The following ABL1 variants were observed in gnomAD, a reference collection of about 807,000 sequenced individuals.
ABL1 encodes ABL proto-oncogene 1, non-receptor tyrosine kinase, also known as tyrosine-protein kinase ABL1.
ABL1 carries 11 observed loss-of-function variants against 94.7 expected under a neutral mutation model. That is an observed-to-expected ratio of 0.12 (90% CI 0.07 to 0.19). The LOEUF is 0.19. ABL1 is among the 10% of genes least tolerant of loss of function. The pLI is 1.00. For synonymous variants in ABL1, 656 were observed against 622.4 expected (o/e 1.05, Z -0.80); for missense variants, 1,082 against 1,489.4 (o/e 0.73, Z 4.50).
intron 1 of ABL1, among the ~76,000 whole-genome samples, chr9:130,782,847 T>G (rs1355203615): frequency 6.6e-6 from 1 of 152,198 alleles, no homozygotes. Flanking sequence ...TTATTGTTGT[T>G]TTTATTTTCT....
chr9:130,742,569 G>A (rs140457725), intron 1 of ABL1, among the ~76,000 whole-genome samples: 1 of 152,228 alleles, frequency 6.6e-6, no homozygotes, highest in East Asian at 1.9e-4. Context: ...ATAATGCTTT[G>A]GTAACTTTGG....
chr9:130,872,203 G>A lies in ABL1; in HGVS notation c.897G>A (p.Val299=). The change falls in exon 5 of 11, where the codon GTG becomes GTA. Residue 299 remains valine, a synonymous_variant. Transcript: ENST00000318560. This position sits in a 1 kb window ranked among gnomAD's most constrained non-coding sequence, Gnocchi z 5.0. The stretch of plus-strand genomic sequence containing the variant: ...AAGAGATCAAACACCCTAACCTGGT[G>A]CAGCTCCTTGGTGAGTAAGCCCGGG... The part of the protein sequence containing the change: ...VMKEIKHPNL[V]QLLGVCTREP... 5 of 1,613,926 alleles carry A rather than the reference G, an allele frequency of 3.1e-6. No homozygotes were observed. Among genetic ancestry groups the A allele is most frequent in the Non-Finnish European group, 4.2e-6 (5 of 1,179,868 alleles).
intron 1 of ABL1, among the ~76,000 whole-genome samples, chr9:130,737,109 T>C (rs1183020791): frequency 6.6e-6 from 1 of 152,156 alleles, no homozygotes; most frequent in Non-Finnish European, 1.5e-5. Context: ...TGTTTTGTTT[T>C]AGTTTTTTAG....
intron 1 of ABL1, among the ~76,000 whole-genome samples, chr9:130,770,608 CTT>C (rs1832240279): frequency 6.6e-6 from 1 of 152,220 alleles, no homozygotes; most frequent in African/African-American, 2.4e-5. Context: ...AGGTTTCAAA[CTT>C]TTAATTACTT....
intron 1 of ABL1, among the ~76,000 whole-genome samples, chr9:130,823,447 A>C (rs1004247382): frequency 6.6e-6 from 1 of 152,164 alleles, no homozygotes; most frequent in African/African-American, 2.4e-5. Flanking sequence ...TACAGACCCA[A>C]AATAGGAGCA....
chr9:130,751,260 A>G lies in ABL1; in HGVS notation c.136+36805A>G, dbSNP rs1341276689. ...CGGTTCAAGTGATTCTTCTGCCTCA[A>G]CCTCCCGAGTAGCTGGGACTACAGG... On this transcript the variant is annotated intron_variant, in intron 1 of 10. Transcript: ENST00000372348. 2.2e-5 allele frequency among the ~76,000 whole-genome samples: 3 copies of G among 137,908 alleles called. No individual in the cohort carries two copies. The Admixed American group carries it at 2.3e-4, about 11-fold the overall frequency. The allele number at this position is 137,908 out of a possible 152,430, so 90.5% of individuals were successfully genotyped here. A position where few individuals can be genotyped will look rare whatever the true frequency, so the allele number is the denominator to read the frequency against.
At chr9:130,795,601 G>A (rs1829964146) in intron 1 of ABL1, among the ~76,000 whole-genome samples, 1 of 152,062 alleles carries the variant, frequency 6.6e-6, no homozygotes, top group African/African-American at 2.4e-5. Flanking sequence ...CCCCTTTAAG[G>A]GATTCTGATG....
chr9:130,735,961 A>ATATATATATATATATTTTT (rs573602038), intron 1 of ABL1, among the ~76,000 whole-genome samples: 1 of 94,846 alleles, frequency 1.1e-5, no homozygotes, highest in Non-Finnish European at 1.7e-5. Context: ...ATATATATAT[A>ATATATATATATATATTTTT]TTTTTTTTTT....
At chr9:130,739,224 T>TA (rs1831784251) in intron 1 of ABL1, among the ~76,000 whole-genome samples, 1 of 152,160 alleles carries the variant, frequency 6.6e-6, no homozygotes, top group Non-Finnish European at 1.5e-5. Flanking sequence ...AAGCAGTGCT[T>TA]ATGTTGTTTG....
At chr9:130,742,777 A>G (rs1408381903) in intron 1 of ABL1, among the ~76,000 whole-genome samples, 2 of 152,176 alleles carry the variant, frequency 1.3e-5, no homozygotes, top group South Asian at 2.1e-4. Context: ...TATCGTATGT[A>G]TGTTTATATG....
chr9:130,865,037 C>G (rs1273119490), intron 4 of ABL1, among the ~76,000 whole-genome samples: 1 of 152,178 alleles, frequency 6.6e-6, no homozygotes, highest in African/African-American at 2.4e-5. Flanking sequence ...GGAGGAGACT[C>G]CAGAGAAGGG....
chr9:130,718,317 C>CAAAAAAAAA, intron 1 of ABL1, among the ~76,000 whole-genome samples: 1 of 73,076 alleles, frequency 1.4e-5, no homozygotes, highest in Non-Finnish European at 3.1e-5. Context: ...GACTCTGTCT[C>CAAAAAAAAA]AAAAAAAAAA....
In ABL1 at chr9:130,822,804, C is replaced by CT. The variant is rs1222567163; in HGVS notation, c.137-31250dup. ...GTTCTCTGTATTGTGGGTACAAGTT[C>CT]TTTTTTTTTTCGAGATGGAGTCTCG... is the stretch of plus-strand genomic sequence containing the variant. On this transcript the variant is annotated intron_variant, in intron 1 of 10. Transcript: ENST00000372348. 2.5e-3 allele frequency among the ~76,000 whole-genome samples: 371 copies of CT among 147,904 alleles called. 1 individual carries two copies. Among genetic ancestry groups the CT allele is most frequent in the African/African-American group, 8.8e-3 (356 of 40,342 alleles).
At position 130,801,742 on chromosome 9, in the gene ABL1, G is replaced by A. The variant is rs547958112; in HGVS notation, c.137-52322G>A. On this transcript the variant is annotated intron_variant, in intron 1 of 10. Transcript: ENST00000372348. ...GATGTTTCACTGTCTTTTGGCTCAT[G>A]TGTTCCGATGAGAAGTCAGCCCTTC... Among the ~76,000 whole-genome samples, 34 of 152,302 alleles carry A rather than the reference G, an allele frequency of 2.2e-4. No homozygotes were observed. In the Middle Eastern group the frequency reaches 0.02, roughly 91 times the overall value.
At chr9:130,833,840 T>C (rs1461307746), upstream of ABL1, among the ~76,000 whole-genome samples, 3 of 152,216 alleles carry the variant, frequency 2.0e-5, no homozygotes, top group East Asian at 5.8e-4. Context: ...GTACTGAAGA[T>C]ACCCGGGTTT....
Position 130,737,511 on chromosome 9 carries a change from C to T in ABL1, c.136+23056C>T, listed in dbSNP as rs184467341. On this transcript the variant is annotated intron_variant, in intron 1 of 10. Transcript: ENST00000372348. ...CTCGAACTCCTGACCTCAGATGATC[C>T]ACCCGCCTTGGCCTCCCAAAGTGCT... is the stretch of plus-strand genomic sequence containing the variant. 2.6e-5 allele frequency among the ~76,000 whole-genome samples: 4 copies of T among 152,152 alleles called. No homozygotes were observed. The East Asian group carries it at 7.8e-4, about 30-fold the overall frequency.
chr9:130,875,452 T>C (rs28436242), intron 7 of ABL1, among the ~76,000 whole-genome samples: 38,466 of 151,540 alleles, frequency 0.25, 7,624 homozygotes, highest in African/African-American at 0.55. Context: ...CACCCTTTTT[T>C]TTTTTTTTTT....
intron 1 of ABL1, among the ~76,000 whole-genome samples, chr9:130,783,781 G>T (rs767642252): frequency 6.6e-6 from 1 of 152,034 alleles, no homozygotes; most frequent in African/African-American, 2.4e-5. Context: ...TCAGCCTCCC[G>T]AGTAGCTGGG....
chr9:130,765,174 T>C (rs1005386391), intron 1 of ABL1, among the ~76,000 whole-genome samples: 1 of 152,178 alleles, frequency 6.6e-6, no homozygotes, highest in Non-Finnish European at 1.5e-5. Context: ...TTGTGCAGTC[T>C]CATGTTTGGT....
Sources: allele counts gnomAD v4.1 joint callset (sites outside exome capture counted in the v4.1 genomes callset), GRCh38; gene constraint gnomAD v4.1.1; non-coding constraint Gnocchi (gnomAD v3.1); transcripts MANE v1.5; gene names NCBI Gene and HGNC (gene_info 2026-07-23, HGNC 2026-07-21).